The following TACR3 variants were observed in gnomAD, a reference collection of about 807,000 sequenced individuals.
TACR3 encodes neuromedin-K receptor.
A neutral mutation model predicts 35.0 loss-of-function variants in TACR3; 34 were observed. That is an observed-to-expected ratio of 0.97 (90% CI 0.74 to 1.30). TACR3 has a LOEUF of 1.30. Among genes scored for constraint, TACR3 ranks in the 50% most tolerant of loss-of-function variants. The probability of loss-of-function intolerance (pLI) is 0.00; values close to 1 mark genes in which losing one functional copy is unlikely to be tolerated. For missense variants in TACR3, 558 were observed against 591.7 expected, an observed-to-expected ratio of 0.94 and a Z score of 0.59; for synonymous variants, 233 against 221.1, an observed-to-expected ratio of 1.05 and a Z score of -0.48.
intron 1 of TACR3, among the ~76,000 whole-genome samples, chr4:103,710,513 C>T (rs892775948): frequency 2.0e-5 from 3 of 152,004 alleles, no homozygotes; most frequent in Non-Finnish European, 4.4e-5. Context: ...GAAATTTATA[C>T]CACTAAATGC....
intron 1 of TACR3, among the ~76,000 whole-genome samples, chr4:103,695,843 T>C (rs1055053946): frequency 6.6e-6 from 1 of 152,060 alleles, no homozygotes; most frequent in African/African-American, 2.4e-5. Flanking sequence ...AAGAATTCTA[T>C]CAGGAATGGG....
At chr4:103,673,841 A>G (rs1409643790) in intron 1 of TACR3, among the ~76,000 whole-genome samples, 3 of 152,200 alleles carry the variant, frequency 2.0e-5, no homozygotes, top group Non-Finnish European at 4.4e-5. Context: ...CTAGTAGTCA[A>G]TGCTTTATAG....
At chr4:103,708,186 C>T (rs979610843) in intron 1 of TACR3, among the ~76,000 whole-genome samples, 1 of 152,192 alleles carries the variant, frequency 6.6e-6, no homozygotes, top group African/African-American at 2.4e-5. Flanking sequence ...GAGATCTGAG[C>T]ACGGACAGAC....
intron 1 of TACR3, among the ~76,000 whole-genome samples, chr4:103,674,300 C>T (rs1272315281): frequency 6.6e-6 from 1 of 150,862 alleles, no homozygotes. Flanking sequence ...GTCTCCAGTG[C>T]TATTATGTTT....
chr4:103,633,080 A>G (rs926405546), intron 3 of TACR3, among the ~76,000 whole-genome samples: 2 of 152,054 alleles, frequency 1.3e-5, no homozygotes, highest in Non-Finnish European at 2.9e-5. Flanking sequence ...CATTAACTAC[A>G]ATGCAGTTCC....
chr4:103,709,157 G>T (rs949625217), intron 1 of TACR3, among the ~76,000 whole-genome samples: 2 of 152,058 alleles, frequency 1.3e-5, no homozygotes, highest in East Asian at 3.9e-4. Context: ...TACAGAGAAT[G>T]CCACAAAGAT....
At chr4:103,709,035 G>C (rs1359668318) in intron 1 of TACR3, among the ~76,000 whole-genome samples, 3 of 152,186 alleles carry the variant, frequency 2.0e-5, no homozygotes, top group African/African-American at 7.2e-5. Flanking sequence ...TCTGATTGGT[G>C]TACCTGCAAG....
At chr4:103,629,867 A>AC (rs1560814048) in intron 3 of TACR3, among the ~76,000 whole-genome samples, 9 of 132,594 alleles carry the variant, frequency 6.8e-5, no homozygotes, top group African/African-American at 1.5e-4. Context: ...AAAACAAAAA[A>AC]AAAACAAAAA....
chr4:103,636,519 C>T (rs1578237038), intron 3 of TACR3, among the ~76,000 whole-genome samples: 1 of 151,890 alleles, frequency 6.6e-6, no homozygotes, highest in East Asian at 1.9e-4. Context: ...GTAAATAATA[C>T]AATAATACAA....
chr4:103,673,019 C>T (rs981379647), intron 1 of TACR3, among the ~76,000 whole-genome samples: 4 of 152,132 alleles, frequency 2.6e-5, no homozygotes, highest in African/African-American at 7.2e-5. Flanking sequence ...TTTTCTTCTG[C>T]AGCTTCTTCA....
At chr4:103,650,753 T>C (rs1286284024) in intron 3 of TACR3, among the ~76,000 whole-genome samples, 1 of 91,334 alleles carries the variant, frequency 1.1e-5, no homozygotes, top group Non-Finnish European at 1.9e-5. Flanking sequence ...ATAATATATA[T>C]ATTATATATG....
At chr4:103,592,620 G>A (rs1323977004) in intron 3 of TACR3, among the ~76,000 whole-genome samples, 1 of 152,098 alleles carries the variant, frequency 6.6e-6, no homozygotes, top group Non-Finnish European at 1.5e-5. Context: ...TGGGAATTTG[G>A]AAATAGTAAA....
intron 3 of TACR3, among the ~76,000 whole-genome samples, chr4:103,636,580 C>T (rs1224079468): frequency 1.3e-5 from 2 of 152,004 alleles, no homozygotes; most frequent in Admixed American, 6.6e-5. Flanking sequence ...CAAGAAATAA[C>T]TAAGATCAGA....
intron 3 of TACR3, among the ~76,000 whole-genome samples, chr4:103,628,069 C>T (rs1337036975): frequency 6.6e-6 from 1 of 152,046 alleles, no homozygotes; most frequent in Non-Finnish European, 1.5e-5. Flanking sequence ...AAAATGAAGG[C>T]AGAAATAAAA....
chr4:103,712,913 A>G (rs1370911368), intron 1 of TACR3, among the ~76,000 whole-genome samples: 1 of 152,226 alleles, frequency 6.6e-6, no homozygotes, highest in Non-Finnish European at 1.5e-5. Flanking sequence ...TGCAAATCAA[A>G]ACCACAATGA....
intron 3 of TACR3, among the ~76,000 whole-genome samples, chr4:103,643,437 G>A (rs909250030): frequency 2.0e-5 from 3 of 150,240 alleles, no homozygotes; most frequent in African/African-American, 7.3e-5. Flanking sequence ...AAAAGAGAGA[G>A]AGAGAGAGAG....
At chr4:103,653,638 C>G (rs1396301514) in intron 3 of TACR3, among the ~76,000 whole-genome samples, 4 of 152,032 alleles carry the variant, frequency 2.6e-5, no homozygotes, top group South Asian at 4.1e-4. Context: ...TAGGCATGGG[C>G]AAGGACTTCA....
chr4:103,615,025 A>G (rs1328801844), intron 3 of TACR3, among the ~76,000 whole-genome samples: 1 of 150,912 alleles, frequency 6.6e-6, no homozygotes, highest in Non-Finnish European at 1.5e-5. Context: ...CTCCTGAGTA[A>G]CTGGGACTAC....
intron 3 of TACR3, among the ~76,000 whole-genome samples, chr4:103,638,443 G>A (rs1054880183): frequency 3.9e-5 from 6 of 151,992 alleles, no homozygotes; most frequent in African/African-American, 1.5e-4. Context: ...ATTAATTCAA[G>A]ATGGATTAAA....
Sources: gnomAD v4.1 joint callset for allele counts (sites outside exome capture counted in the v4.1 genomes callset) on GRCh38, gnomAD v4.1.1 for gene constraint, MANE v1.5 for transcripts, NCBI Gene and HGNC (gene_info 2026-07-23, HGNC 2026-07-21) for gene names.